Variants in PPM1L observed in about 807,000 individuals in gnomAD.
The protein encoded by PPM1L is protein phosphatase 1L.
PPM1L carries 13 observed loss-of-function variants against 31.4 expected under a neutral mutation model. The ratio of observed to expected loss-of-function variants is 0.41; its 90% CI spans 0.27 to 0.66. The LOEUF is 0.66. Ranked by LOEUF, PPM1L falls within the 30% of genes least tolerant of loss-of-function variation. The probability of loss-of-function intolerance (pLI) is 0.29; values close to 1 mark genes in which losing one functional copy is unlikely to be tolerated. For missense variants in PPM1L, 326 were observed against 453.7 expected, an observed-to-expected ratio of 0.72 and a Z score of 2.56; for synonymous variants, 184 against 175.4, an observed-to-expected ratio of 1.05 and a Z score of -0.39.
At chr3:161,010,057 GGTTT>G (rs1717840132) in intron 2 of PPM1L, among the ~76,000 whole-genome samples, 2 of 152,026 alleles carry the variant, frequency 1.3e-5, no homozygotes, top group Admixed American at 1.3e-4. Context: ...ACAATGTGCA[GGTTT>G]GTTACACATG....
At chr3:161,013,531 C>G (rs1381392442) in intron 2 of PPM1L, among the ~76,000 whole-genome samples, 1 of 152,138 alleles carries the variant, frequency 6.6e-6, no homozygotes, top group Non-Finnish European at 1.5e-5. Flanking sequence ...CTGTAGATGT[C>G]TATTAGGTCC....
At chr3:160,917,624 A>T (rs1254671978) in intron 1 of PPM1L, among the ~76,000 whole-genome samples, 9 of 152,162 alleles carry the variant, frequency 5.9e-5, no homozygotes, top group Admixed American at 4.6e-4. Flanking sequence ...CAGCTATTAA[A>T]AGCAAAAAAG....
chr3:160,770,084 TGCTTACTGACTCAACTTCCTATTTA>T (rs1224672516), intron 1 of PPM1L, among the ~76,000 whole-genome samples: 1 of 152,238 alleles, frequency 6.6e-6, no homozygotes, highest in Admixed American at 6.5e-5. Context: ...TTTATAAAAA[TGCTTACTGACTCAACTTCCTATTTA>T]GCTTTAGTAG....
At chr3:160,777,376 T>C (rs1711590121) in intron 1 of PPM1L, among the ~76,000 whole-genome samples, 1 of 152,170 alleles carries the variant, frequency 6.6e-6, no homozygotes, top group South Asian at 2.1e-4. Context: ...ATTGTAAAAA[T>C]CATGTAACAA....
chr3:160,930,681 G>A (rs1404616276), intron 1 of PPM1L, among the ~76,000 whole-genome samples: 1 of 152,192 alleles, frequency 6.6e-6, no homozygotes, highest in Admixed American at 6.5e-5. Context: ...GCGGAGTGAA[G>A]GAGTTTAAGA....
intron 2 of PPM1L, among the ~76,000 whole-genome samples, chr3:161,014,187 T>C (rs1717995560): frequency 6.6e-6 from 1 of 152,200 alleles, no homozygotes; most frequent in African/African-American, 2.4e-5. Context: ...TGTGTAGTGC[T>C]TCCTTCAGGA....
chr3:160,893,598 A>C (rs1283469208), intron 1 of PPM1L, among the ~76,000 whole-genome samples: 1 of 152,202 alleles, frequency 6.6e-6, no homozygotes, highest in Non-Finnish European at 1.5e-5. Flanking sequence ...CTGATGCCCC[A>C]ATAAATTGGT....
intron 1 of PPM1L, among the ~76,000 whole-genome samples, chr3:160,797,775 C>T (rs535617935): frequency 6.6e-6 from 1 of 152,318 alleles, no homozygotes; most frequent in East Asian, 1.9e-4. Flanking sequence ...GGCCCTAACT[C>T]TCTTGAATTG....
rs1010475752 is a variant in PPM1L at position 160,877,576 on chromosome 3, A to T, written c.400-84160A>T. Among the ~76,000 whole-genome samples the T allele has an allele frequency of 2.0e-5, 3 of 152,024 alleles. No homozygotes were observed. In the East Asian group the frequency reaches 5.8e-4, roughly 29 times the overall value. On this transcript the variant is annotated intron_variant, in intron 1 of 3. Coordinates refer to ENST00000498165, the MANE Select transcript of PPM1L (RefSeq NM_139245.4). ...GAAATAGAGTATGCGGACACATGAG[A>T]AGTGGGTTTAGGAGCATAGGTTTAA...
At chr3:161,032,548 C>G (rs1331034230) in intron 2 of PPM1L, among the ~76,000 whole-genome samples, 1 of 152,094 alleles carries the variant, frequency 6.6e-6, no homozygotes, top group Non-Finnish European at 1.5e-5. Flanking sequence ...TCAACTAACA[C>G]CTAGGATCCT....
intron 1 of PPM1L, among the ~76,000 whole-genome samples, chr3:160,788,315 G>A (rs1162646079): frequency 6.6e-6 from 1 of 152,028 alleles, no homozygotes; most frequent in South Asian, 2.1e-4. Context: ...AATTCTCGTT[G>A]TAGAGATCTT....
intron 1 of PPM1L, among the ~76,000 whole-genome samples, chr3:160,775,887 C>G (rs1272764817): frequency 6.6e-6 from 1 of 152,094 alleles, no homozygotes; most frequent in African/African-American, 2.4e-5. Flanking sequence ...GTAAATGAAC[C>G]ATATCAGCTG....
intron 2 of PPM1L, among the ~76,000 whole-genome samples, chr3:161,052,448 G>A (rs908167269): frequency 6.6e-6 from 1 of 152,206 alleles, no homozygotes; most frequent in Non-Finnish European, 1.5e-5. Context: ...CAAAACCTTG[G>A]TTGATAGATT....
intron 2 of PPM1L, among the ~76,000 whole-genome samples, chr3:161,030,937 T>G (rs1387152792): frequency 6.6e-6 from 1 of 152,204 alleles, no homozygotes; most frequent in Non-Finnish European, 1.5e-5. Flanking sequence ...AGACTTCTAA[T>G]CAAAATAAGA....
At chr3:160,789,452 C>T (rs1356504890) in intron 1 of PPM1L, among the ~76,000 whole-genome samples, 1 of 151,784 alleles carries the variant, frequency 6.6e-6, no homozygotes, top group African/African-American at 2.4e-5. Flanking sequence ...ATTTTATTGA[C>T]TTGTGCTTTT....
At chr3:161,068,694 G>A (rs1244457398) in intron 3 of PPM1L, 117 bp from the exon 4 acceptor site, 10 of 772,864 alleles carry the variant, frequency 1.3e-5, no homozygotes, top group Non-Finnish European at 2.1e-5. Context: ...GGGTTAAGGG[G>A]AGTGCCCACA....
chr3:160,930,973 CAG>C (rs1313652565), intron 1 of PPM1L, among the ~76,000 whole-genome samples: 7 of 152,088 alleles, frequency 4.6e-5, no homozygotes, highest in Admixed American at 1.3e-4. Flanking sequence ...GAGAGGGAAA[CAG>C]TGAATTTTAA....
rs1038415842 is a variant in PPM1L, at chr3:161,078,079, GTTTTGTT to G, written c.*8926_*8932del. 5.3e-5 allele frequency: 8 copies of G among 152,116 alleles called. No homozygotes were observed. The highest frequency in any genetic ancestry group is 8.8e-5 in the Non-Finnish European group (6 of 68,016). 9.4% of individuals were successfully genotyped at this position (152,116 alleles called of 1,614,324 possible). ...GATTGTGATCAAAAGTAGGGTTTTT[GTTTTGTT>G]TTTAATCATGAGCACATATAAAAGG... On this transcript the variant is annotated 3_prime_UTR_variant, in exon 4 of 4. Coordinates refer to ENST00000498165, the MANE Select transcript of PPM1L (RefSeq NM_139245.4).
chr3:160,843,430 A>ATT (rs1713962797), intron 1 of PPM1L, among the ~76,000 whole-genome samples: 1 of 54,862 alleles, frequency 1.8e-5, no homozygotes, highest in African/African-American at 8.0e-5. Context: ...ATTCTTTTAT[A>ATT]TATATATATA....
Sources: gnomAD v4.1 joint callset for allele counts (sites outside exome capture counted in the v4.1 genomes callset) on GRCh38, gnomAD v4.1.1 for gene constraint, MANE v1.5 for transcripts, NCBI Gene and HGNC (gene_info 2026-07-23, HGNC 2026-07-21) for gene names.